The following ATP8A1 variants were observed in gnomAD, a reference collection of about 807,000 sequenced individuals.
ATP8A1 encodes ATPase phospholipid transporting 8A1.
In ATP8A1, 90 loss-of-function variants were observed where a neutral mutation model predicts 177.7. That is an observed-to-expected ratio of 0.51 (90% CI 0.43 to 0.60). ATP8A1 has a LOEUF of 0.60. Ranked by LOEUF, ATP8A1 falls within the 20% of genes least tolerant of loss-of-function variation. The probability of loss-of-function intolerance (pLI) is 0.00; values close to 1 mark genes in which losing one functional copy is unlikely to be tolerated. For missense variants in ATP8A1, 1,072 were observed against 1,392.8 expected, an observed-to-expected ratio of 0.77 and a Z score of 3.67; for synonymous variants, 493 against 485.9, an observed-to-expected ratio of 1.01 and a Z score of -0.19.
chr4:42,643,819 A>G (rs778117685), intron 1 of ATP8A1, among the ~76,000 whole-genome samples: 1 of 152,194 alleles, frequency 6.6e-6, no homozygotes, highest in East Asian at 1.9e-4. Flanking sequence ...GTTAAGTGAC[A>G]TGCTCAAGGC....
chr4:42,544,936 C>T (rs1325529962), intron 19 of ATP8A1, among the ~76,000 whole-genome samples: 6 of 152,028 alleles, frequency 3.9e-5, no homozygotes, highest in East Asian at 3.9e-4. Context: ...CCGAGGCGGG[C>T]GGATCACAAG....
intron 14 of ATP8A1, among the ~76,000 whole-genome samples, chr4:42,573,643 G>A (rs1015826306): frequency 2.0e-5 from 3 of 152,112 alleles, no homozygotes; most frequent in African/African-American, 7.2e-5. Context: ...TCATGCTCTC[G>A]TAACGCAAAG....
intron 20 of ATP8A1, among the ~76,000 whole-genome samples, chr4:42,540,324 G>A (rs62302266): frequency 0.31 from 47,668 of 152,026 alleles, 8,812 homozygotes; most frequent in East Asian, 0.56. Flanking sequence ...CTTACATACT[G>A]TTGGTGGGAA....
At chr4:42,516,023 A>G (rs1725496314) in intron 22 of ATP8A1, among the ~76,000 whole-genome samples, 1 of 152,240 alleles carries the variant, frequency 6.6e-6, no homozygotes, top group African/African-American at 2.4e-5. Flanking sequence ...AGATTTGTTA[A>G]TAGGGGGCAG....
At chr4:42,614,593 G>A (rs371428974) in intron 5 of ATP8A1, among the ~76,000 whole-genome samples, 3 of 151,934 alleles carry the variant, frequency 2.0e-5, no homozygotes, top group African/African-American at 4.8e-5. Flanking sequence ...CCACATGTTC[G>A]GCCTGTCTCG....
intron 25 of ATP8A1, among the ~76,000 whole-genome samples, chr4:42,469,953 G>A (rs560579129): frequency 1.2e-4 from 18 of 152,222 alleles, no homozygotes; most frequent in African/African-American, 3.6e-4. Flanking sequence ...CTAAACAAAT[G>A]CCAATAGTGA....
chr4:42,478,406 G>A (rs1721304756), intron 25 of ATP8A1, among the ~76,000 whole-genome samples: 1 of 152,030 alleles, frequency 6.6e-6, no homozygotes, highest in African/African-American at 2.4e-5. Context: ...TAAACACAAA[G>A]CTTTTCTTCA....
chr4:42,449,621 G>A (rs556107257), intron 30 of ATP8A1, among the ~76,000 whole-genome samples: 83 of 152,288 alleles, frequency 5.5e-4, no homozygotes, highest in African/African-American at 1.9e-3. Flanking sequence ...AAAACAAGGC[G>A]AAACAACAAC....
chr4:42,573,105 C>A (rs528763381), intron 14 of ATP8A1, among the ~76,000 whole-genome samples: 2 of 152,018 alleles, frequency 1.3e-5, no homozygotes, highest in Non-Finnish European at 2.9e-5. Context: ...TGATAAAATG[C>A]GGAAGAAAAC....
At chr4:42,475,132 T>C (rs1263222546) in intron 25 of ATP8A1, among the ~76,000 whole-genome samples, 1 of 152,170 alleles carries the variant, frequency 6.6e-6, no homozygotes, top group Non-Finnish European at 1.5e-5. Context: ...ATGATGAAGC[T>C]AGGATTCAAT....
chr4:42,576,651 T>G (rs1441346907), intron 12 of ATP8A1, among the ~76,000 whole-genome samples: 2 of 152,116 alleles, frequency 1.3e-5, no homozygotes, highest in Non-Finnish European at 2.9e-5. Flanking sequence ...TCATGTCAAA[T>G]GAAAAGGTCA....
At chr4:42,592,770 G>A (rs1734318270) in intron 6 of ATP8A1, among the ~76,000 whole-genome samples, 1 of 152,040 alleles carries the variant, frequency 6.6e-6, no homozygotes, top group South Asian at 2.1e-4. Context: ...AACCTGTACA[G>A]CATGTTACTG....
At chr4:42,644,328 G>C (rs1740309617) in intron 1 of ATP8A1, among the ~76,000 whole-genome samples, 1 of 152,152 alleles carries the variant, frequency 6.6e-6, no homozygotes, top group African/African-American at 2.4e-5. Context: ...TCACTTGGAA[G>C]TCAACAAAAG....
chr4:42,415,035 A>G, intron 35 of ATP8A1: 1 of 219,032 alleles, frequency 4.6e-6, no homozygotes, highest in Non-Finnish European at 9.0e-6. Context: ...AACACAATTA[A>G]AATAAAAAAA....
At chr4:42,470,696 T>C (rs1487940005) in intron 25 of ATP8A1, among the ~76,000 whole-genome samples, 1 of 152,178 alleles carries the variant, frequency 6.6e-6, no homozygotes, top group Non-Finnish European at 1.5e-5. Context: ...TAGAAAACTT[T>C]TTAGAAGAAT....
intron 20 of ATP8A1, among the ~76,000 whole-genome samples, chr4:42,527,867 G>C (rs1337972432): frequency 2.6e-5 from 4 of 152,074 alleles, no homozygotes; most frequent in Non-Finnish European, 5.9e-5. Flanking sequence ...GGGGAGGCTG[G>C]GTACCCTAGA....
intron 19 of ATP8A1, among the ~76,000 whole-genome samples, chr4:42,547,534 T>C (rs1729052561): frequency 2.0e-5 from 3 of 152,210 alleles, no homozygotes; most frequent in African/African-American, 7.2e-5. Context: ...TTTCTAAGTG[T>C]GGTTTAAAAA....
intron 24 of ATP8A1, among the ~76,000 whole-genome samples, chr4:42,487,437 G>A (rs1401013335): frequency 6.6e-6 from 1 of 152,052 alleles, no homozygotes; most frequent in Non-Finnish European, 1.5e-5. Context: ...ACACTGGCCT[G>A]GCACAAGGAA....
intron 31 of ATP8A1, among the ~76,000 whole-genome samples, chr4:42,445,200 CTG>C (rs771090599): frequency 6.6e-6 from 1 of 152,152 alleles, no homozygotes; most frequent in African/African-American, 2.4e-5. Context: ...AAAAAGGAAA[CTG>C]GGGTTGGATT....
Sources: allele counts gnomAD v4.1 joint callset (sites outside exome capture counted in the v4.1 genomes callset), GRCh38; gene constraint gnomAD v4.1.1; transcripts MANE v1.5; gene names NCBI Gene and HGNC (gene_info 2026-07-23, HGNC 2026-07-21).